The following PAG1 variants were observed in gnomAD, a reference collection of about 807,000 sequenced individuals.
PAG1 encodes phosphoprotein membrane anchor with glycosphingolipid microdomains 1, also known as phosphoprotein associated with glycosphingolipid-enriched microdomains 1.
A neutral mutation model predicts 31.7 loss-of-function variants in PAG1; 23 were observed. The ratio of observed to expected loss-of-function variants is 0.73; its 90% confidence interval spans 0.52 to 1.03. PAG1 has a LOEUF of 1.03. Ranked by LOEUF, PAG1 falls within the 50% of genes least tolerant of loss-of-function variation. PAG1 has a pLI of 0.00. For synonymous variants in PAG1, 214 were observed against 210.3 expected, an observed-to-expected ratio of 1.02 and a Z score of -0.15; for missense variants, 473 against 540.7, an observed-to-expected ratio of 0.87 and a Z score of 1.24.
Position 80,981,848 on chromosome 8 carries a change from C to T in PAG1, c.877-1354G>A, listed in dbSNP as rs907766501. Among the ~76,000 whole-genome samples, 6 of 148,482 alleles carry T rather than the reference C, an allele frequency of 4.0e-5. No homozygotes were observed. In the East Asian group the frequency reaches 1.0e-3, roughly 25 times the overall value. ...GTCCTACTCCGAAATTCTACCTACT[C>T]ATTATCTCACTTCCTTTTTTTTTTT... On this transcript the variant is annotated intron_variant, in intron 7 of 8. Transcript: ENST00000220597.
At chr8:81,057,659 T>C (rs1460282688) in intron 2 of PAG1, among the ~76,000 whole-genome samples, 1 of 152,144 alleles carries the variant, frequency 6.6e-6, no homozygotes, top group Non-Finnish European at 1.5e-5. Context: ...GGCACATGTA[T>C]ACATATGTAA....
chr8:81,012,116 C>T (rs1807996259), intron 3 of PAG1, among the ~76,000 whole-genome samples: 1 of 152,160 alleles, frequency 6.6e-6, no homozygotes, highest in Non-Finnish European at 1.5e-5. Context: ...AGAAAGCATC[C>T]ATTTAATGTT....
At chr8:81,049,772 A>G (rs555972885) in intron 2 of PAG1, among the ~76,000 whole-genome samples, 11 of 152,218 alleles carry the variant, frequency 7.2e-5, no homozygotes, top group Admixed American at 2.6e-4. Flanking sequence ...GACAGGAAAC[A>G]TTGCCATGCC....
At chr8:81,106,488 A>C (rs532316707) in intron 1 of PAG1, among the ~76,000 whole-genome samples, 1 of 152,308 alleles carries the variant, frequency 6.6e-6, no homozygotes, top group South Asian at 2.1e-4. Flanking sequence ...TGCAATAAAC[A>C]GTCTACATTT....
At chr8:80,981,072 T>C (rs1807289944) in intron 7 of PAG1, among the ~76,000 whole-genome samples, 1 of 152,050 alleles carries the variant, frequency 6.6e-6, no homozygotes. Context: ...CGCCCTTCAG[T>C]TCCTTGACTT....
chr8:80,994,637 G>A (rs998207941), intron 3 of PAG1, among the ~76,000 whole-genome samples: 4 of 152,144 alleles, frequency 2.6e-5, no homozygotes, highest in African/African-American at 4.8e-5. Context: ...AGGAAAGCTC[G>A]TTGTCACTGT....
intron 3 of PAG1, among the ~76,000 whole-genome samples, chr8:81,005,881 G>A (rs1193953046): frequency 6.6e-6 from 1 of 152,190 alleles, no homozygotes; most frequent in African/African-American, 2.4e-5. Context: ...TTAAAGGGCT[G>A]AGGCCCAGAT....
At chr8:81,074,776 G>A (rs890012738) in intron 1 of PAG1, among the ~76,000 whole-genome samples, 3 of 152,122 alleles carry the variant, frequency 2.0e-5, no homozygotes, top group African/African-American at 7.2e-5. Flanking sequence ...CAATTTGCAG[G>A]CAACCAGAAG....
intron 1 of PAG1, among the ~76,000 whole-genome samples, chr8:81,082,087 T>C (rs1809275224): frequency 6.6e-6 from 1 of 151,474 alleles, no homozygotes; most frequent in Admixed American, 6.6e-5. Flanking sequence ...ACCCCATCTC[T>C]ACTAAAAATA....
At chr8:81,064,819 A>G (rs1808976668) in intron 2 of PAG1, among the ~76,000 whole-genome samples, 1 of 152,224 alleles carries the variant, frequency 6.6e-6, no homozygotes, top group Admixed American at 6.5e-5. Flanking sequence ...AGACACTGAC[A>G]TGCCACCAGG....
intron 3 of PAG1, among the ~76,000 whole-genome samples, chr8:81,015,357 T>C (rs1258085710): frequency 2.0e-5 from 3 of 152,264 alleles, no homozygotes; most frequent in African/African-American, 2.4e-5. Context: ...TGAAACATTG[T>C]ACTTGACCGT....
At chr8:81,022,669 A>G (rs948126750) in intron 3 of PAG1, among the ~76,000 whole-genome samples, 2 of 152,206 alleles carry the variant, frequency 1.3e-5, no homozygotes, top group African/African-American at 4.8e-5. Flanking sequence ...AAATAGTATG[A>G]ATATCTATGT....
chr8:80,979,733 C>G (rs1368381131), intron 8 of PAG1, among the ~76,000 whole-genome samples: 3 of 152,190 alleles, frequency 2.0e-5, no homozygotes, highest in African/African-American at 7.2e-5. Context: ...AAGCTATATA[C>G]AGCTAGATCA....
At chr8:81,020,712 T>C (rs1323198048) in intron 3 of PAG1, among the ~76,000 whole-genome samples, 1 of 152,224 alleles carries the variant, frequency 6.6e-6, no homozygotes, top group Non-Finnish European at 1.5e-5. Context: ...TAGGGTTCCT[T>C]TTTGTGATTA....
chr8:81,056,798 A>C (rs1287202073), intron 2 of PAG1, among the ~76,000 whole-genome samples: 1 of 152,314 alleles, frequency 6.6e-6, no homozygotes, highest in East Asian at 1.9e-4. Flanking sequence ...ACAGAATGGG[A>C]AAAAAATTTG....
rs1809363780 is a variant in PAG1 at position 81,086,669 on chromosome 8, C to T, written c.-233-16499G>A. Among the ~76,000 whole-genome samples the T allele has an allele frequency of 5.3e-5, 8 of 152,200 alleles. No homozygotes were observed. In the South Asian group the frequency reaches 1.5e-3, roughly 28 times the overall value. Reference sequence around the variant, plus strand: ...CCAAACAAAAAACAGGCAAAAGATACAAACAAATATCTCTCATGAGAAAAA... The same window carrying T: ...CCAAACAAAAAACAGGCAAAAGATATAAACAAATATCTCTCATGAGAAAAA... On this transcript the variant is annotated intron_variant, in intron 1 of 8. Coordinates refer to ENST00000220597, the MANE Select transcript of PAG1 (RefSeq NM_018440.4).
At chr8:81,046,486 C>CA (rs1808643695) in intron 2 of PAG1, among the ~76,000 whole-genome samples, 1 of 152,178 alleles carries the variant, frequency 6.6e-6, no homozygotes, top group African/African-American at 2.4e-5. Flanking sequence ...CCAAAGCATT[C>CA]AGCAAAGAGT....
intron 3 of PAG1, 74 bp downstream of exon 3, chr8:81,029,922 A>G (rs1174499861): frequency 1.3e-5 from 2 of 152,062 alleles, no homozygotes; most frequent in African/African-American, 4.8e-5. Flanking sequence ...AAACAATTAA[A>G]CCTTTGTGCT....
chr8:81,011,993 A>T (rs1043274279), intron 3 of PAG1, among the ~76,000 whole-genome samples: 16 of 152,192 alleles, frequency 1.1e-4, no homozygotes, highest in African/African-American at 3.9e-4. Context: ...CTTTATCGGG[A>T]GTAACACCAT....
Sources: gnomAD v4.1 joint callset for allele counts (sites outside exome capture counted in the v4.1 genomes callset) on GRCh38, gnomAD v4.1.1 for gene constraint, MANE v1.5 for transcripts, NCBI Gene and HGNC (gene_info 2026-07-23, HGNC 2026-07-21) for gene names.